HSPA12A: variants seen among roughly 807,000 people sequenced by gnomAD.
HSPA12A encodes heat shock 70 kDa protein 12A.
In HSPA12A, 28 loss-of-function variants were observed where a neutral mutation model predicts 69.2. The observed-to-expected ratio is 0.40, with a 90% CI of 0.30 to 0.55. HSPA12A has a LOEUF of 0.55. Among genes scored for constraint, HSPA12A ranks in the 20% least tolerant of loss-of-function variants. The pLI, the probability that HSPA12A is intolerant of heterozygous loss-of-function variation, is 0.38. For synonymous variants in HSPA12A, 345 were observed against 370.5 expected, an observed-to-expected ratio of 0.93 and a Z score of 0.79; for missense variants, 686 against 900.7, an observed-to-expected ratio of 0.76 and a Z score of 3.05.
chr10:116,769,591 G>T (rs921542689), intron 2 of HSPA12A, among the ~76,000 whole-genome samples: 7 of 152,160 alleles, frequency 4.6e-5, no homozygotes, highest in Admixed American at 1.3e-4. Flanking sequence ...CCTGACATTG[G>T]CTCGGCCCAG....
intron 1 of HSPA12A, among the ~76,000 whole-genome samples, chr10:116,720,343 G>A (rs1850736778): frequency 6.6e-6 from 1 of 152,186 alleles, no homozygotes; most frequent in Non-Finnish European, 1.5e-5. Context: ...TAATCTAGCT[G>A]CGGACTCCAG....
chr10:116,788,048 A>G (rs891237977), intron 2 of HSPA12A, among the ~76,000 whole-genome samples: 3 of 152,290 alleles, frequency 2.0e-5, no homozygotes, highest in South Asian at 4.1e-4. Context: ...ACCTCCACGC[A>G]ACGCCGTTAA....
At chr10:116,792,239 A>G (rs983536932) in intron 2 of HSPA12A, among the ~76,000 whole-genome samples, 1 of 147,214 alleles carries the variant, frequency 6.8e-6, no homozygotes, top group Non-Finnish European at 1.5e-5. Context: ...AGCATGGGCA[A>G]CAAGAATGAA....
chr10:116,754,261 C>T (rs1464272709), intron 2 of HSPA12A, among the ~76,000 whole-genome samples: 2 of 152,162 alleles, frequency 1.3e-5, no homozygotes, highest in Non-Finnish European at 2.9e-5. Flanking sequence ...CTTGACCCAT[C>T]CCCCCTCAGC....
At chr10:116,796,161 A>AAAG (rs1554893383) in intron 2 of HSPA12A, among the ~76,000 whole-genome samples, 1 of 149,062 alleles carries the variant, frequency 6.7e-6, no homozygotes, top group African/African-American at 2.5e-5. Context: ...AAAAAAAAAA[A>AAAG]AAAAAGAAAG....
At chr10:116,753,983 G>A (rs1843764710) in intron 2 of HSPA12A, among the ~76,000 whole-genome samples, 1 of 152,216 alleles carries the variant, frequency 6.6e-6, no homozygotes, top group Admixed American at 6.5e-5. Flanking sequence ...AGCTTCCCAA[G>A]GGAGCCAGCC....
At position 116,695,091 on chromosome 10, in the gene HSPA12A, G is replaced by C. The variant is rs112875132; in HGVS notation, c.547-2624C>G. ...GGGCCCTCTTTCTTCTTGGTTGTCAGATCCTCCTTCTTGCTCCCCAAATGA... is the reference window on the plus strand; with the variant it reads ...GGGCCCTCTTTCTTCTTGGTTGTCACATCCTCCTTCTTGCTCCCCAAATGA... On this transcript the variant is annotated intron_variant, in intron 5 of 11. Transcript: ENST00000369209. Among the ~76,000 whole-genome samples the C allele has an allele frequency of 5.5e-4, 84 of 152,108 alleles. No individual in the cohort carries two copies. In the Middle Eastern group the frequency reaches 0.024, roughly 43 times the overall value.
intron 2 of HSPA12A, among the ~76,000 whole-genome samples, chr10:116,756,139 C>T (rs1226005741): frequency 6.6e-6 from 1 of 152,140 alleles, no homozygotes; most frequent in Non-Finnish European, 1.5e-5. Flanking sequence ...GGAGGCTTTG[C>T]CATTTCCAGG....
chr10:116,821,887 T>C lies in HSPA12A; in HGVS notation c.91+13048A>G, dbSNP rs560312242. Among the ~76,000 whole-genome samples the C allele has an allele frequency of 9.2e-5, 14 of 152,276 alleles. No individual in the cohort carries two copies. In the South Asian group the frequency reaches 1.0e-3, roughly 11 times the overall value. On this transcript the variant is annotated intron_variant, in intron 2 of 12. Coordinates refer to the HSPA12A transcript ENST00000635765. ...AGCTCAGAAACACCAGAACCTGCCA[T>C]TGGGTCTGAAAAAACAGGAGTAGGT...
chr10:116,775,218 A>G (rs1844309099), intron 2 of HSPA12A, among the ~76,000 whole-genome samples: 1 of 152,252 alleles, frequency 6.6e-6, no homozygotes, highest in South Asian at 2.1e-4. Context: ...TCACAAACCT[A>G]TGGATAGGGC....
At chr10:116,844,503 G>C (rs1845848513) in intron 1 of HSPA12A, among the ~76,000 whole-genome samples, 1 of 152,150 alleles carries the variant, frequency 6.6e-6, no homozygotes, top group Non-Finnish European at 1.5e-5. Flanking sequence ...TGACAACTGG[G>C]TGAGGAAGGT....
intron 1 of HSPA12A, among the ~76,000 whole-genome samples, chr10:116,727,156 C>T (rs1665651): frequency 0.99 from 151,283 of 152,328 alleles, 75,137 homozygotes; most frequent in Middle Eastern, 1. Context: ...CCAAATATTT[C>T]TAACTCCAAA....
chr10:116,724,608 T>C (rs888348174), intron 1 of HSPA12A, among the ~76,000 whole-genome samples: 2 of 152,206 alleles, frequency 1.3e-5, no homozygotes, highest in Non-Finnish European at 2.9e-5. Context: ...GTCCTGGCTG[T>C]TTCCTCCTTT....
rs1554881574 is a variant in HSPA12A, at chr10:116,701,053, A to T, written c.331T>A (p.Phe111Ile). Residue 111 changes from phenylalanine (F) to isoleucine (I), a missense_variant, in exon 4 of 12, where the codon TTC (phenylalanine) becomes ATC (isoleucine). Physicochemically the swap from Phe to Ile is conservative, Grantham distance 21 (BLOSUM62 0). Coordinates refer to ENST00000369209, the MANE Select transcript of HSPA12A (RefSeq NM_025015.3). Reference sequence around the variant, plus strand: ...CTGGCGGCATACCCGAAGCTGTGGAACTTCCTCTCGGGAGTCAGCAAGATG... The same window carrying T: ...CTGGCGGCATACCCGAAGCTGTGGATCTTCCTCTCGGGAGTCAGCAAGATG... ...TTILLTPERK[F>I]HSFGYAARDF... 2 of 1,613,802 alleles carry T rather than the reference A, an allele frequency of 1.2e-6. No individual in the cohort carries two copies. Among genetic ancestry groups the T allele is most frequent in the Admixed American group, 3.3e-5 (2 of 59,976 alleles).
intron 10 of HSPA12A, among the ~76,000 whole-genome samples, chr10:116,677,415 C>A (rs1849271307): frequency 6.6e-6 from 1 of 152,206 alleles, no homozygotes; most frequent in African/African-American, 2.4e-5. Context: ...CTTTCCATGG[C>A]GTAGGCCAAA....
intron 1 of HSPA12A, among the ~76,000 whole-genome samples, chr10:116,732,203 G>A (rs782793668): frequency 6.6e-6 from 1 of 151,890 alleles, no homozygotes; most frequent in Non-Finnish European, 1.5e-5. Context: ...GGTGGTGCAT[G>A]CCTGTAATTG....
chr10:116,751,439 C>T (rs1851775991), intron 2 of HSPA12A, among the ~76,000 whole-genome samples: 1 of 152,182 alleles, frequency 6.6e-6, no homozygotes, highest in African/African-American at 2.4e-5. Flanking sequence ...GTGCACTCCA[C>T]AATATATCTG....
upstream of HSPA12A, chr10:116,849,805 G>A (rs1846011113): frequency 4.3e-6 from 6 of 1,407,618 alleles, no homozygotes; most frequent in Non-Finnish European, 5.7e-6. Flanking sequence ...AACGCCTTGC[G>A]CCTGCGCCTG....
Position 116,724,076 on chromosome 10 carries a change from G to A in HSPA12A, c.41-16791C>T, listed in dbSNP as rs544261713. ...CCTTCTGCACCTTGTACAGAGCCCT[G>A]CACCTGGGGAGGGCCCAGCCTATCT... On this transcript the variant is annotated intron_variant, in intron 1 of 11. Transcript: ENST00000369209. 8.5e-5 allele frequency among the ~76,000 whole-genome samples: 13 copies of A among 152,292 alleles called. No homozygotes were observed. The South Asian group carries it at 2.7e-3, about 32-fold the overall frequency.
Sources: gnomAD v4.1 joint callset for allele counts (sites outside exome capture counted in the v4.1 genomes callset) on GRCh38, gnomAD v4.1.1 for gene constraint, MANE v1.5 for transcripts, NCBI Gene and HGNC (gene_info 2026-07-23, HGNC 2026-07-21) for gene names.